The following RIT1 variants were observed in gnomAD, a reference collection of about 807,000 sequenced individuals.
RIT1 encodes Ras like without CAAX 1, also known as GTP-binding protein Rit1.
In RIT1, 6 loss-of-function variants were observed where a neutral mutation model predicts 25.6. That is an observed-to-expected ratio of 0.23 (90% CI 0.13 to 0.46). RIT1 has a LOEUF of 0.46. Among genes scored for constraint, RIT1 ranks in the 20% least tolerant of loss-of-function variants. RIT1 has a pLI of 0.99. For synonymous variants in RIT1, 81 were observed against 94.1 expected (o/e 0.86, Z 0.80); for missense variants, 219 against 284.4 (o/e 0.77, Z 1.65).
At position 155,900,715 on chromosome 1, in the gene RIT1, C is replaced by A. The variant is rs1673296133; in HGVS notation, c.430-97G>T. The A allele has an allele frequency of 4.1e-6, 4 of 979,138 alleles. No individual in the cohort carries two copies. In the South Asian group the frequency reaches 6.2e-5, roughly 15 times the overall value. 60.7% of individuals were successfully genotyped at this position (979,138 alleles called of 1,614,324 possible). ...CCACCTTAACACAAAGAAAGCTTCTCAATTCTGGAGGTGTTCAAGCATACA... is the reference window on the plus strand; with the variant it reads ...CCACCTTAACACAAAGAAAGCTTCTAAATTCTGGAGGTGTTCAAGCATACA... On this transcript the variant is annotated intron_variant, in intron 5 of 5. Coordinates refer to ENST00000368323, the MANE Select transcript of RIT1 (RefSeq NM_006912.6).
In RIT1 at chr1:155,900,482, G is replaced by A. The variant is rs749213571; in HGVS notation, c.566C>T (p.Ala189Val). Reference protein sequence around the residue: ...VREIRRKEKEAVLAMEKKSKP... With the variant: ...VREIRRKEKEVVLAMEKKSKP... ...AGATTTTTTCTCCATGGCCAGTACT[G>A]CCTCCTTTTCTTTCCTACGTATCTC... Residue 189 changes from alanine to valine, a missense_variant, in exon 6 of 6, where the codon GCA becomes GTA. Physicochemically the swap from Ala to Val is moderately conservative, Grantham distance 64 (BLOSUM62 0). Coordinates refer to ENST00000368323, the MANE Select transcript of RIT1 (RefSeq NM_006912.6). 1.9e-6 allele frequency: 3 copies of A among 1,614,002 alleles called. No individual in the cohort carries two copies. The East Asian group carries it at 6.7e-5, about 36-fold the overall frequency.
chr1:155,905,094 C>T (rs1673408491), intron 3 of RIT1, among the ~76,000 whole-genome samples: 1 of 152,092 alleles, frequency 6.6e-6, no homozygotes, highest in Admixed American at 6.5e-5. Context: ...GCTATCTGGG[C>T]ACAGTGGTGA....
rs1267640945 is a variant in RIT1 at position 155,900,013 on chromosome 1, C to T, written c.*375G>A. ...CTGAGGTCTTTCTCTGGGATAGTCCCAGGAAATTGAAATTAAAGGATAATG... is the reference window on the plus strand; with the variant it reads ...CTGAGGTCTTTCTCTGGGATAGTCCTAGGAAATTGAAATTAAAGGATAATG... On this transcript the variant is annotated 3_prime_UTR_variant, in exon 6 of 6. Transcript: ENST00000368323. 3 of 256,692 alleles carry T rather than the reference C, an allele frequency of 1.2e-5. No homozygotes were observed. The highest frequency in any genetic ancestry group is 2.2e-5 in the African/African-American group (1 of 45,260). 15.9% of individuals were successfully genotyped at this position (256,692 alleles called of 1,614,324 possible).
Position 155,899,130 on chromosome 1 carries a change from T to A in RIT1, c.*1258A>T, listed in dbSNP as rs1239143951. ...CTGATCTTAGACAACTCACTACCAA[T>A]ATTTAAAGCTGTTTCCTCCTAGGAC... On this transcript the variant is annotated 3_prime_UTR_variant, in exon 6 of 6. Transcript: ENST00000368323. The A allele has an allele frequency of 1.5e-5, 3 of 206,550 alleles. No homozygotes were observed. Among genetic ancestry groups the A allele is most frequent in the East Asian group, 7.3e-5 (1 of 13,614 alleles). The allele number at this position is 206,550 out of a possible 1,614,324, so 12.8% of individuals were successfully genotyped here.
At chr1:155,906,384 T>C (rs555687772) in intron 3 of RIT1, among the ~76,000 whole-genome samples, 4 of 152,300 alleles carry the variant, frequency 2.6e-5, no homozygotes, top group Admixed American at 6.5e-5. Context: ...TTCTCAATTA[T>C]TCATTAGGAT....
At position 155,898,202 on chromosome 1, in the gene RIT1, C is replaced by A. The variant is rs1379611700; in HGVS notation, c.*2186G>T. 1 of 152,182 alleles carries A rather than the reference C, an allele frequency of 6.6e-6. No individual in the cohort carries two copies. The highest frequency in any genetic ancestry group is 1.5e-5 in the Non-Finnish European group (1 of 68,008). 9.4% of individuals were successfully genotyped at this position (152,182 alleles called of 1,614,324 possible). A position where few individuals can be genotyped will look rare whatever the true frequency, so the allele number is the denominator to read the frequency against. On this transcript the variant is annotated 3_prime_UTR_variant, in exon 6 of 6. Transcript: ENST00000368323. ...ATATCATACCTGTCAAGCTACCTAG[C>A]ACCACGAATAGAACTAATATTAATG...
chr1:155,898,991 C>G lies in RIT1; in HGVS notation c.*1397G>C. The G allele has an allele frequency of 4.7e-6, 1 of 212,740 alleles. No homozygotes were observed. The highest frequency in any genetic ancestry group is 1.9e-4 in the South Asian group (1 of 5,346). The allele number at this position is 212,740 out of a possible 1,614,324, so 13.2% of individuals were successfully genotyped here. The stretch of plus-strand genomic sequence containing the variant: ...GTGCTACACAAGTCATCTTACGTTT[C>G]TAGTCAACACAAACATTGCTTCAGT... On this transcript the variant is annotated 3_prime_UTR_variant, in exon 6 of 6. Coordinates refer to ENST00000368323, the MANE Select transcript of RIT1 (RefSeq NM_006912.6).
chr1:155,910,287 A>G (rs1436862238), intron 3 of RIT1, 163 bp downstream of exon 3: 3 of 624,160 alleles, frequency 4.8e-6, no homozygotes, highest in Non-Finnish European at 5.6e-6. Context: ...CTGAAAAAAA[A>G]AGAAATATTC....
At chr1:155,908,537 C>T (rs1425939140) in intron 3 of RIT1, among the ~76,000 whole-genome samples, 1 of 151,810 alleles carries the variant, frequency 6.6e-6, no homozygotes, top group Non-Finnish European at 1.5e-5. Flanking sequence ...CCTAGAACTC[C>T]CGCCATAATT....
chr1:155,908,204 C>T (rs1673495251), intron 3 of RIT1, among the ~76,000 whole-genome samples: 1 of 151,668 alleles, frequency 6.6e-6, no homozygotes, highest in South Asian at 2.1e-4. Flanking sequence ...GCCTGTAATC[C>T]CAGCACTTTG....
At chr1:155,910,424 GAAA>G in intron 3 of RIT1, 23 bp downstream of exon 3, 1 of 1,594,172 alleles carries the variant, frequency 6.3e-7, no homozygotes, top group Non-Finnish European at 8.6e-7. Context: ...GGTATATTTG[GAAA>G]CATAAGTGAT....
At position 155,899,109 on chromosome 1, in the gene RIT1, T is replaced by C. The variant is rs957186501; in HGVS notation, c.*1279A>G. 1 of 207,090 alleles carries C rather than the reference T, an allele frequency of 4.8e-6. No individual in the cohort carries two copies. The highest frequency in any genetic ancestry group is 9.9e-6 in the Non-Finnish European group (1 of 101,244). The allele number at this position is 207,090 out of a possible 1,614,324, so 12.8% of individuals were successfully genotyped here. On this transcript the variant is annotated 3_prime_UTR_variant, in exon 6 of 6. Coordinates refer to ENST00000368323, the MANE Select transcript of RIT1 (RefSeq NM_006912.6). Reference sequence around the variant, plus strand: ...AGGTCAGATATCAAAACAGTCCTGATCTTAGACAACTCACTACCAATATTT... The same window carrying C: ...AGGTCAGATATCAAAACAGTCCTGACCTTAGACAACTCACTACCAATATTT...
At chr1:155,910,849 C>T in intron 1 of RIT1, 45 bp from the exon 2 acceptor site, 2 of 1,603,684 alleles carry the variant, frequency 1.2e-6, no homozygotes, top group South Asian at 1.1e-5. Context: ...GGAGACACCA[C>T]GGCGACAGCC....
rs942114037 is a variant in RIT1, at chr1:155,898,252, A to G, written c.*2136T>C. On this transcript the variant is annotated 3_prime_UTR_variant, in exon 6 of 6. Transcript: ENST00000368323. ...GGATGGACTAATACAAGGATCTAAT[A>G]TATGACAGTGATAGTCTTAAAAACA... 1.4e-4 allele frequency: 22 copies of G among 152,236 alleles called. No individual in the cohort carries two copies. The highest frequency in any genetic ancestry group is 5.3e-4 in the African/African-American group (22 of 41,418). 9.4% of individuals were successfully genotyped at this position (152,236 alleles called of 1,614,324 possible). A position where few individuals can be genotyped will look rare whatever the true frequency, so the allele number is the denominator to read the frequency against.
chr1:155,900,734 G>T, intron 5 of RIT1, 116 bp from the exon 6 acceptor site: 2 of 761,162 alleles, frequency 2.6e-6, no homozygotes, highest in Non-Finnish European at 4.3e-6. Context: ...AGGTGTTCAA[G>T]CATACAGCAC....
In RIT1 at chr1:155,900,347, A is replaced by C; in HGVS notation, c.*41T>G. On this transcript the variant is annotated 3_prime_UTR_variant, in exon 6 of 6. Transcript: ENST00000368323. ...CTGCAGGTTACTGGACTGCTTTGATACAGCACTGCAGTTCACAGATAAACA... is the reference window on the plus strand; with the variant it reads ...CTGCAGGTTACTGGACTGCTTTGATCCAGCACTGCAGTTCACAGATAAACA... The C allele has an allele frequency of 6.9e-7, 1 of 1,451,854 alleles. No homozygotes were observed. The highest frequency in any genetic ancestry group is 1.2e-5 in the South Asian group (1 of 86,846). 89.9% of individuals were successfully genotyped at this position (1,451,854 alleles called of 1,614,324 possible).
In RIT1 at chr1:155,906,613, T is replaced by C. The variant is rs541482565; in HGVS notation, c.164-1809A>G. ...CCATCTCTACTAAAAATACAAAAAT[T>C]ATCTGGATGTGGTCACAGGCGCCTG... is the stretch of plus-strand genomic sequence containing the variant. On this transcript the variant is annotated intron_variant, in intron 3 of 5. Coordinates refer to ENST00000368323, the MANE Select transcript of RIT1 (RefSeq NM_006912.6). Among the ~76,000 whole-genome samples, 56 of 150,460 alleles carry C rather than the reference T, an allele frequency of 3.7e-4. 1 individual carries two copies. Among genetic ancestry groups the C allele is most frequent in the Admixed American group, 1.9e-3 (28 of 15,066 alleles).
At chr1:155,901,480 T>TA (rs1350802981) in intron 5 of RIT1, among the ~76,000 whole-genome samples, 3 of 151,260 alleles carry the variant, frequency 2.0e-5, no homozygotes, top group Non-Finnish European at 4.4e-5. Context: ...TGTCTCCACT[T>TA]AAAAAAAACT....
At chr1:155,911,174 C>T (rs1019917522) in intron 1 of RIT1, 69 bp downstream of exon 1, 4 of 504,970 alleles carry the variant, frequency 7.9e-6, no homozygotes, top group African/African-American at 3.9e-5. Context: ...CCGCCCCCTC[C>T]CCATTCTCCT....
Sources: allele counts gnomAD v4.1 joint callset (sites outside exome capture counted in the v4.1 genomes callset), GRCh38; gene constraint gnomAD v4.1.1; transcripts MANE v1.5; gene names NCBI Gene and HGNC (gene_info 2026-07-23, HGNC 2026-07-21).